HMCN1: variants seen among roughly 807,000 people sequenced by gnomAD.
The protein encoded by HMCN1 is hemicentin 1, also known as hemicentin-1.
Under a neutral mutation model 625.9 loss-of-function variants are expected in HMCN1, and 321 were observed. The observed-to-expected ratio is 0.51, with a 90% CI of 0.47 to 0.56. The LOEUF (loss-of-function observed/expected upper bound fraction) is 0.56, where lower values mean the gene tolerates loss of function less well. HMCN1 is among the 20% of genes least tolerant of loss of function. HMCN1 has a pLI of 0.00. For synonymous variants in HMCN1, 2,425 were observed against 2,417.6 expected (o/e 1.00, Z -0.09); for missense variants, 6,588 against 6,887.3 (o/e 0.96, Z 1.54).
intron 2 of HMCN1, among the ~76,000 whole-genome samples, chr1:185,853,554 G>C (rs892447354): frequency 6.6e-6 from 1 of 152,108 alleles, no homozygotes; most frequent in East Asian, 1.9e-4. Context: ...TTCTGCTAGA[G>C]TAAAGAATTC....
In HMCN1 at chr1:186,045,775, C is replaced by A; in HGVS notation, c.6392C>A (p.Pro2131His). 6.2e-7 allele frequency: 1 copy of A among 1,612,114 alleles called. No individual in the cohort carries two copies. Among genetic ancestry groups the A allele is most frequent in the Non-Finnish European group, 8.5e-7 (1 of 1,178,386 alleles). Reference sequence around the variant, plus strand: ...TTACTATGTCAAAGTGATGCTATTCCCCCACCTACTCTTACTTGGTTAAAA... The same window carrying A: ...TTACTATGTCAAAGTGATGCTATTCACCCACCTACTCTTACTTGGTTAAAA... ...VELLCQSDAI[P>H]PPTLTWLKDG... The change falls in exon 41 of 107, where the codon CCC (proline) becomes CAC (histidine). Residue 2131 changes from proline to histidine, a missense_variant. Around this residue, in one of 3 missense-constraint regions of HMCN1, gnomAD observed 4,628 missense variants for 4,853.1 expected, o/e 0.95. Transcript: ENST00000271588.
At chr1:186,051,557 G>T (rs967299435) in intron 42 of HMCN1, among the ~76,000 whole-genome samples, 2 of 151,972 alleles carry the variant, frequency 1.3e-5, no homozygotes, top group Admixed American at 1.3e-4. Flanking sequence ...AGTTTAGAAT[G>T]GAGATCATAA....
chr1:185,893,209 C>G (rs1040709816), intron 4 of HMCN1, among the ~76,000 whole-genome samples: 2 of 152,224 alleles, frequency 1.3e-5, no homozygotes, highest in African/African-American at 4.8e-5. Flanking sequence ...TGCCCACTGT[C>G]TGGCACTCCC....
intron 85 of HMCN1, among the ~76,000 whole-genome samples, chr1:186,130,929 T>G (rs1015761132): frequency 6.6e-6 from 1 of 152,194 alleles, no homozygotes; most frequent in African/African-American, 2.4e-5. Context: ...GACTTACTAA[T>G]TAACATTTGG....
At chr1:185,966,201 C>T (rs1040090869) in intron 14 of HMCN1, among the ~76,000 whole-genome samples, 3 of 152,058 alleles carry the variant, frequency 2.0e-5, no homozygotes, top group Non-Finnish European at 4.4e-5. Context: ...AGAAAATTGT[C>T]CAAGAATACT....
Position 186,055,555 on chromosome 1 carries a change from T to C in HMCN1, c.7025T>C (p.Leu2342Pro). The C allele has an allele frequency of 6.2e-7, 1 of 1,612,918 alleles. No individual in the cohort carries two copies. Among genetic ancestry groups the C allele is most frequent in the Non-Finnish European group, 8.5e-7 (1 of 1,179,274 alleles). Residue 2342 changes from leucine (L) to proline (P), a missense_variant, in exon 45 of 107, where the codon CTG (leucine) becomes CCG (proline). Coordinates refer to ENST00000271588, the MANE Select transcript of HMCN1 (RefSeq NM_031935.3). The part of the protein sequence containing the change: ...PLIKAKGVEI[L>P]DEGHILQLKN... ...ATCAAGGCAAAGGGAGTAGAAATAC[T>C]GGATGAAGGTCACATCCTTCAGCTG... is the stretch of plus-strand genomic sequence containing the variant.
intron 45 of HMCN1, 42 bp downstream of exon 45, chr1:186,055,716 G>A (rs780002554): frequency 2.8e-5 from 45 of 1,586,828 alleles, no homozygotes; most frequent in African/African-American, 6.7e-5. Flanking sequence ...ACTGGCTAAC[G>A]TAATCTAGCA....
intron 97 of HMCN1, among the ~76,000 whole-genome samples, chr1:186,164,833 C>T (rs905848260): frequency 1.3e-5 from 2 of 152,134 alleles, no homozygotes; most frequent in Non-Finnish European, 2.9e-5. Context: ...TTATCTTGGA[C>T]CCTTTTTAGT....
rs560433322 is a variant in HMCN1 at position 185,904,052 on chromosome 1, G to T, written c.622-5285G>T. Among the ~76,000 whole-genome samples the T allele has an allele frequency of 2.6e-5, 4 of 151,820 alleles. No individual in the cohort carries two copies. The South Asian group carries it at 8.3e-4, about 32-fold the overall frequency. On this transcript the variant is annotated intron_variant, in intron 4 of 106. Coordinates refer to ENST00000271588, the MANE Select transcript of HMCN1 (RefSeq NM_031935.3). Reference sequence around the variant, plus strand: ...CCTTTGTCTAAGTTCTTGTGGACAGGGTCTGCAAGGGGATTCATGGCTTTA... The same window carrying T: ...CCTTTGTCTAAGTTCTTGTGGACAGTGTCTGCAAGGGGATTCATGGCTTTA...
Position 186,000,563 on chromosome 1 carries a change from G to A in HMCN1, c.4069+324G>A, listed in dbSNP as rs1183003208. Among the ~76,000 whole-genome samples the A allele has an allele frequency of 9.7e-5, 13 of 133,994 alleles. No homozygotes were observed. The South Asian group carries it at 1.3e-3, about 13-fold the overall frequency. 87.9% of individuals were successfully genotyped at this position (133,994 alleles called of 152,430 possible). On this transcript the variant is annotated intron_variant, in intron 26 of 106. Transcript: ENST00000271588. The stretch of plus-strand genomic sequence containing the variant: ...GTAGGGTGTGTGTGTGTGTGTATGT[G>A]TGTGTGTGTGTGTGTGTGTGTGTGT...
chr1:186,039,218 A>T (rs1013160887), intron 38 of HMCN1, among the ~76,000 whole-genome samples: 1 of 152,176 alleles, frequency 6.6e-6, no homozygotes, highest in Non-Finnish European at 1.5e-5. Flanking sequence ...TTTGCTTTCA[A>T]TTAGTTGTTG....
intron 46 of HMCN1, 102 bp downstream of exon 46, chr1:186,057,503 A>G (rs1208963978): frequency 1.2e-6 from 1 of 832,622 alleles, no homozygotes; most frequent in East Asian, 2.5e-5. Flanking sequence ...TTATTTTTTA[A>G]CCTACTGCTT....
intron 1 of HMCN1, among the ~76,000 whole-genome samples, chr1:185,762,452 C>T (rs1321672): frequency 0.039 from 5,877 of 152,190 alleles, 332 homozygotes; most frequent in African/African-American, 0.13. Context: ...CTGAACAAAA[C>T]TTGTGGCTTG....
intron 1 of HMCN1, among the ~76,000 whole-genome samples, chr1:185,810,755 G>C (rs549997931): frequency 2.0e-5 from 3 of 151,854 alleles, no homozygotes; most frequent in Non-Finnish European, 2.9e-5. Context: ...TTTATTAAGT[G>C]CCTGGAAAAT....
intron 1 of HMCN1, among the ~76,000 whole-genome samples, chr1:185,784,088 A>C (rs900904710): frequency 1.3e-5 from 2 of 152,144 alleles, no homozygotes; most frequent in African/African-American, 2.4e-5. Context: ...GCCACCTTGC[A>C]GTTTGATCTC....
chr1:186,166,435 T>A (rs1477049082), intron 99 of HMCN1, 132 bp downstream of exon 99: 7 of 1,130,578 alleles, frequency 6.2e-6, no homozygotes, highest in Non-Finnish European at 9.0e-6. Context: ...AAAGAAGGTC[T>A]CCATTGGGCT....
chr1:186,155,939 A>G (rs1035610114), intron 97 of HMCN1, among the ~76,000 whole-genome samples: 1 of 152,172 alleles, frequency 6.6e-6, no homozygotes, highest in Non-Finnish European at 1.5e-5. Context: ...ATTTCTGGGC[A>G]CAAAGATTTT....
chr1:186,072,504 A>G (rs1183178164), intron 52 of HMCN1, among the ~76,000 whole-genome samples: 1 of 152,194 alleles, frequency 6.6e-6, no homozygotes, highest in Non-Finnish European at 1.5e-5. Context: ...ACTCATGTGA[A>G]GTTTAGGAAG....
intron 1 of HMCN1, among the ~76,000 whole-genome samples, chr1:185,804,432 C>T (rs1252967696): frequency 2.0e-5 from 3 of 151,914 alleles, no homozygotes; most frequent in Non-Finnish European, 4.4e-5. Flanking sequence ...TTCTAAATAC[C>T]TTGAGAGTGC....
Sources: allele counts gnomAD v4.1 joint callset (sites outside exome capture counted in the v4.1 genomes callset), GRCh38; gene constraint gnomAD v4.1.1; regional missense constraint gnomAD v4.1.1; transcripts MANE v1.5; gene names NCBI Gene and HGNC (gene_info 2026-07-23, HGNC 2026-07-21).